The following SV2C variants were observed in gnomAD, a reference collection of about 807,000 sequenced individuals.
SV2C encodes the protein solute carrier family 22 member B3.
A neutral mutation model predicts 79.7 loss-of-function variants in SV2C; 49 were observed. That is an observed-to-expected ratio of 0.61 (90% confidence interval 0.49 to 0.78). The LOEUF is 0.78. SV2C is among the 30% of genes least tolerant of loss of function. SV2C has a pLI of 0.00. For missense variants in SV2C, 833 were observed against 912.9 expected (o/e 0.91, Z 1.13); for synonymous variants, 334 against 333.2 (o/e 1.00, Z -0.03).
intron 4 of SV2C, among the ~76,000 whole-genome samples, chr5:76,221,578 TAGG>T (rs1745066383): frequency 1.3e-5 from 2 of 152,132 alleles, no homozygotes; most frequent in Admixed American, 6.5e-5. Context: ...TAATGTGTGT[TAGG>T]AGGAGAATCT....
At chr5:76,130,295 A>G (rs1748844238) in intron 1 of SV2C, among the ~76,000 whole-genome samples, 1 of 152,148 alleles carries the variant, frequency 6.6e-6, no homozygotes, top group South Asian at 2.1e-4. Context: ...AGCCTGTGAG[A>G]ACCATACTCC....
chr5:76,150,282 A>T (rs146817481), intron 2 of SV2C, among the ~76,000 whole-genome samples: 371 of 151,114 alleles, frequency 2.5e-3, no homozygotes, highest in African/African-American at 8.5e-3. Context: ...GGTTCAAGTG[A>T]TCCTCCTGCC....
upstream of SV2C, chr5:76,082,532 TCTC>T (rs1747025430): frequency 6.6e-6 from 1 of 151,908 alleles, no homozygotes; most frequent in Non-Finnish European, 1.5e-5. Flanking sequence ...CTCTCTCTTC[TCTC>T]CTCTCTCTTT....
At chr5:76,037,744 C>G in the SV2C span, among the ~76,000 whole-genome samples, 10 of 152,254 alleles carry the variant, frequency 6.6e-5, no homozygotes, top group Non-Finnish European at 1.3e-4. Flanking sequence ...CAGAGGCAGG[C>G]AGGCCTCCTT....
intron 1 of SV2C, among the ~76,000 whole-genome samples, chr5:76,110,197 G>A (rs1748053293): frequency 6.6e-6 from 1 of 152,178 alleles, no homozygotes; most frequent in Admixed American, 6.6e-5. Flanking sequence ...AGAAGCTATG[G>A]GGTTATGTCA....
chr5:76,071,535 G>C, the SV2C span, among the ~76,000 whole-genome samples: 1 of 152,154 alleles, frequency 6.6e-6, no homozygotes, highest in African/African-American at 2.4e-5. Context: ...TGTAGAGAAA[G>C]GGAAAACCAA....
intron 2 of SV2C, among the ~76,000 whole-genome samples, chr5:76,185,936 T>G (rs1243693322): frequency 6.6e-6 from 1 of 152,234 alleles, no homozygotes; most frequent in Non-Finnish European, 1.5e-5. Context: ...TTTTCAAACT[T>G]TTATGCTCTG....
the SV2C span, among the ~76,000 whole-genome samples, chr5:75,855,759 G>C: frequency 6.6e-6 from 1 of 152,058 alleles, no homozygotes; most frequent in African/African-American, 2.4e-5. Flanking sequence ...ATATAAAATG[G>C]GATATCCATC....
intron 2 of SV2C, among the ~76,000 whole-genome samples, chr5:76,181,640 G>A (rs1743735543): frequency 6.6e-6 from 1 of 151,992 alleles, no homozygotes; most frequent in African/African-American, 2.4e-5. Flanking sequence ...TAAACCATCA[G>A]ATCTCGTGAG....
chr5:75,963,738 T>C, the SV2C span, among the ~76,000 whole-genome samples: 2 of 152,086 alleles, frequency 1.3e-5, no homozygotes, highest in African/African-American at 4.8e-5. Flanking sequence ...TGTATTTTCT[T>C]TGGTACTTTC....
the SV2C span, among the ~76,000 whole-genome samples, chr5:75,922,556 T>C: frequency 6.6e-6 from 1 of 152,234 alleles, no homozygotes; most frequent in Non-Finnish European, 1.5e-5. Flanking sequence ...CAAATAGTTA[T>C]GGCAGAGACT....
chr5:76,323,464 G>A (rs1217179733), intron 12 of SV2C, among the ~76,000 whole-genome samples: 3 of 152,206 alleles, frequency 2.0e-5, no homozygotes, highest in Non-Finnish European at 4.4e-5. Flanking sequence ...CAACCACTGT[G>A]GAAGACAGTA....
chr5:76,137,706 C>T (rs1213334476), intron 2 of SV2C, among the ~76,000 whole-genome samples: 3 of 152,128 alleles, frequency 2.0e-5, no homozygotes, highest in Non-Finnish European at 2.9e-5. Flanking sequence ...AATCATATTA[C>T]AATCCTCTTA....
At chr5:75,855,611 A>G in the SV2C span, among the ~76,000 whole-genome samples, 2 of 152,116 alleles carry the variant, frequency 1.3e-5, no homozygotes, top group Admixed American at 1.3e-4. Context: ...TATTATTATT[A>G]TATCTGATAT....
At chr5:76,067,481 G>T in the SV2C span, among the ~76,000 whole-genome samples, 3 of 151,464 alleles carry the variant, frequency 2.0e-5, no homozygotes, top group African/African-American at 7.3e-5. Context: ...TAGAAATTCT[G>T]CACTGACTGA....
chr5:76,065,890 T>C, the SV2C span, among the ~76,000 whole-genome samples: 1 of 152,198 alleles, frequency 6.6e-6, no homozygotes, highest in South Asian at 2.1e-4. Context: ...GGTTCTACTT[T>C]AGGATAGACT....
At chr5:76,216,518 C>T (rs969821645) in intron 4 of SV2C, among the ~76,000 whole-genome samples, 4 of 152,098 alleles carry the variant, frequency 2.6e-5, no homozygotes, top group Admixed American at 6.5e-5. Context: ...TTGGCTTGGC[C>T]GGGTGCAGTG....
At chr5:76,298,065 C>T (rs1333764644) in intron 9 of SV2C, among the ~76,000 whole-genome samples, 1 of 152,114 alleles carries the variant, frequency 6.6e-6, no homozygotes, top group Non-Finnish European at 1.5e-5. Flanking sequence ...ACCATTTTTA[C>T]CACGTAGAAT....
chr5:76,175,465 CAG>C (rs1743496235), intron 2 of SV2C, among the ~76,000 whole-genome samples: 1 of 152,076 alleles, frequency 6.6e-6, no homozygotes, highest in South Asian at 2.1e-4. Flanking sequence ...CAGAATCTAA[CAG>C]TGAATGTTTA....
Sources: allele counts gnomAD v4.1 joint callset (sites outside exome capture counted in the v4.1 genomes callset), GRCh38; gene constraint gnomAD v4.1.1; transcripts MANE v1.5; gene names NCBI Gene and HGNC (gene_info 2026-07-23, HGNC 2026-07-21).